Variants in CHID1 observed in about 807,000 individuals in gnomAD.
CHID1 encodes the protein chitinase domain containing 1.
In CHID1, 44 loss-of-function variants were observed where a neutral mutation model predicts 55.4. The observed-to-expected ratio is 0.79, with a 90% confidence interval of 0.62 to 1.02. The LOEUF (loss-of-function observed/expected upper bound fraction) is 1.02, where lower values mean the gene tolerates loss of function less well. Among genes scored for constraint, CHID1 ranks in the 50% least tolerant of loss-of-function variants. CHID1 has a pLI of 0.00. For synonymous variants in CHID1, 216 were observed against 212.9 expected (o/e 1.01, Z -0.13); for missense variants, 491 against 515.3 (o/e 0.95, Z 0.46).
intron 8 of CHID1, among the ~76,000 whole-genome samples, chr11:887,973 C>T (rs1038252115): frequency 6.6e-6 from 1 of 152,248 alleles, no homozygotes; most frequent in Non-Finnish European, 1.5e-5. Context: ...GAATGCTCCC[C>T]ATGCGTCCAC....
Position 903,061 on chromosome 11 carries a change from G to T in CHID1, c.162C>A (p.Asp54Glu). 6.2e-7 allele frequency: 1 copy of T among 1,613,574 alleles called. No individual in the cohort carries two copies. The highest frequency in any genetic ancestry group is 8.5e-7 in the Non-Finnish European group (1 of 1,179,986). The change falls in exon 3 of 13, where the codon GAC (aspartate) becomes GAA (glutamate). Residue 54 changes from aspartate to glutamate, a missense_variant. Coordinates refer to ENST00000323578, the MANE Select transcript of CHID1 (RefSeq NM_023947.4). Reference sequence around the variant, plus strand: ...CAAGAACCACACTCTCAGCTTTGAGGTCCGTCACCACCAAACCCCGGTCTT... The same window carrying T: ...CAAGAACCACACTCTCAGCTTTGAGTTCCGTCACCACCAAACCCCGGTCTT... The part of the protein sequence containing the change: ...PVQDRGLVVT[D>E]LKAESVVLEH...
At chr11:900,755 C>T (rs1851743336) in intron 5 of CHID1, among the ~76,000 whole-genome samples, 181 bp downstream of exon 5, 1 of 152,198 alleles carries the variant, frequency 6.6e-6, no homozygotes, top group African/African-American at 2.4e-5. Context: ...GCTCAGGACT[C>T]CAGCCAGACT....
chr11:879,360 C>A (rs552088826), intron 10 of CHID1, among the ~76,000 whole-genome samples: 1 of 152,312 alleles, frequency 6.6e-6, no homozygotes, highest in South Asian at 2.1e-4. Context: ...CAGGCCTGAG[C>A]CTGCACTGAG....
chr11:896,005 C>T (rs1354056371), intron 7 of CHID1, among the ~76,000 whole-genome samples: 1 of 152,044 alleles, frequency 6.6e-6, no homozygotes, highest in East Asian at 1.9e-4. Context: ...TCAGCAATCC[C>T]CCTACTGCCT....
intron 1 of CHID1, chr11:908,621 CCTT>C: frequency 3.0e-6 from 3 of 985,490 alleles, no homozygotes; most frequent in Non-Finnish European, 3.6e-6. Flanking sequence ...ACCACTGGCT[CCTT>C]CTCTGTCTTC....
At position 899,274 on chromosome 11, in the gene CHID1, C is replaced by T. The variant is rs536807632; in HGVS notation, c.608+66G>A. 37 of 1,493,316 alleles carry T rather than the reference C, an allele frequency of 2.5e-5. No homozygotes were observed. In the African/African-American group the frequency reaches 4.8e-4, roughly 20 times the overall value. 92.5% of individuals were successfully genotyped at this position (1,493,316 alleles called of 1,614,324 possible). A position where few individuals can be genotyped will look rare whatever the true frequency, so the allele number is the denominator to read the frequency against. ...GGCCCTCCCCAAACCCCTGGTCTTT[C>T]CTCCAGCCTCCTTCAAACACCAGGG... On this transcript the variant is annotated intron_variant, in intron 7 of 12. Transcript: ENST00000323578.
chr11:883,003 G>T lies in CHID1; in HGVS notation c.959+145C>A, dbSNP rs1466182535. The T allele has an allele frequency of 1.4e-5, 13 of 899,586 alleles. No homozygotes were observed. In the Admixed American group the frequency reaches 1.9e-4, roughly 13 times the overall value. The allele number at this position is 899,586 out of a possible 1,614,324, so 55.7% of individuals were successfully genotyped here. A position where few individuals can be genotyped will look rare whatever the true frequency, so the allele number is the denominator to read the frequency against. ...GGTGGGGTGGGCACCAAGCAGGACC[G>T]GCTCCTGGCCCAGCCCCTATCTCTG... On this transcript the variant is annotated intron_variant, in intron 10 of 12. Coordinates refer to ENST00000323578, the MANE Select transcript of CHID1 (RefSeq NM_023947.4).
At chr11:903,969 G>C (rs1236761502) in intron 2 of CHID1, among the ~76,000 whole-genome samples, 1 of 151,274 alleles carries the variant, frequency 6.6e-6, no homozygotes, top group Non-Finnish European at 1.5e-5. Context: ...GTCAACCACT[G>C]CCTGCCACCC....
intron 10 of CHID1, among the ~76,000 whole-genome samples, chr11:879,632 C>T (rs1299400787): frequency 6.6e-6 from 1 of 152,322 alleles, no homozygotes; most frequent in Non-Finnish European, 1.5e-5. Flanking sequence ...AGGACTGAGA[C>T]GAAGCTGTTA....
rs749233909 is a variant in CHID1 at position 869,921 on chromosome 11, C to G, written c.1119G>C (p.Leu373=). The part of the protein sequence containing the change: ...LQVRLELARE[L]GVGVSIWELG... Reference sequence around the variant, plus strand: ...GCTCCCAGATAGAGACCCCAACGCCCAGCTCCCGGGCCAGCTCCAGCCGCA... The same window carrying G: ...GCTCCCAGATAGAGACCCCAACGCCGAGCTCCCGGGCCAGCTCCAGCCGCA... Residue 373 remains leucine (L), a synonymous_variant, in exon 13 of 13, where the codon CTG becomes CTC. Transcript: ENST00000323578. 2 of 1,612,680 alleles carry G rather than the reference C, an allele frequency of 1.2e-6. No homozygotes were observed. The highest frequency in any genetic ancestry group is 1.7e-6 in the Non-Finnish European group (2 of 1,179,896).
intron 10 of CHID1, among the ~76,000 whole-genome samples, chr11:878,388 T>G (rs907976319): frequency 6.6e-6 from 1 of 151,784 alleles, no homozygotes; most frequent in Non-Finnish European, 1.5e-5. Flanking sequence ...CACTCCAGCC[T>G]GGGGACTCCG....
In CHID1 at chr11:899,335, C is replaced by T; in HGVS notation, c.608+5G>A. 1.3e-6 allele frequency: 2 copies of T among 1,598,166 alleles called. No individual in the cohort carries two copies. Among genetic ancestry groups the T allele is most frequent in the Non-Finnish European group, 8.5e-7 (1 of 1,172,236 alleles). On this transcript the variant is annotated splice_donor_5th_base_variant and intron_variant, in intron 7 of 12. Coordinates refer to ENST00000323578, the MANE Select transcript of CHID1 (RefSeq NM_023947.4). ...GGCCACCCACCACCACCTGTGCCCA[C>T]TCACACGCGCTTCTGGCTTAGCAGC...
In CHID1 at chr11:878,562, TA is replaced by T. The variant is rs879596682; in HGVS notation, c.959+4585del. Among the ~76,000 whole-genome samples the T allele has an allele frequency of 3.8e-3, 543 of 142,120 alleles. 3 individuals are homozygous for T. The highest frequency in any genetic ancestry group is 9.4e-3 in the African/African-American group (367 of 38,908). The allele number at this position is 142,120 out of a possible 152,430, so 93.2% of individuals were successfully genotyped here. On this transcript the variant is annotated intron_variant, in intron 10 of 12. Transcript: ENST00000323578. ...TGGGCAACAAGAGTGAAATTCTGTCTAAAAAAAAAAAAAATTCCTTTTCTTT... is the reference window on the plus strand; with the variant it reads ...TGGGCAACAAGAGTGAAATTCTGTCTAAAAAAAAAAAAATTCCTTTTCTTT...
Position 892,458 on chromosome 11 carries a change from C to T in CHID1, c.701+969G>A, listed in dbSNP as rs570122114. ...TGGGTACGTGTGCAAGAAGCTCAGG[C>T]CATGCACGAAGCAGCCCCCAGGGCT... On this transcript the variant is annotated intron_variant, in intron 8 of 12. Coordinates refer to ENST00000323578, the MANE Select transcript of CHID1 (RefSeq NM_023947.4). Among the ~76,000 whole-genome samples the T allele has an allele frequency of 4.6e-5, 7 of 152,356 alleles. No individual in the cohort carries two copies. The East Asian group carries it at 1.2e-3, about 25-fold the overall frequency.
intron 10 of CHID1, among the ~76,000 whole-genome samples, chr11:874,044 G>A (rs1462277120): frequency 6.6e-6 from 1 of 152,294 alleles, no homozygotes; most frequent in South Asian, 2.1e-4. Context: ...TGTGTGGGGG[G>A]CGTCACCCCA....
chr11:884,971 C>T (rs927575960), intron 8 of CHID1, among the ~76,000 whole-genome samples: 1 of 152,234 alleles, frequency 6.6e-6, no homozygotes, highest in Non-Finnish European at 1.5e-5. Flanking sequence ...TGGCCTACGG[C>T]CCCTCCACAC....
At chr11:904,629 C>G in intron 2 of CHID1, 77 bp downstream of exon 2, 1 of 1,560,066 alleles carries the variant, frequency 6.4e-7, no homozygotes, top group Non-Finnish European at 8.8e-7. Flanking sequence ...CTCACAGGCC[C>G]CAGTGGACAG....
intron 10 of CHID1, among the ~76,000 whole-genome samples, chr11:873,967 G>A (rs112906708): frequency 4.0e-5 from 6 of 151,714 alleles, no homozygotes; most frequent in East Asian, 3.9e-4. Flanking sequence ...ACAGAGGTTC[G>A]ACGCGTTTCT....
At chr11:884,723 A>C (rs1164045992) in intron 8 of CHID1, among the ~76,000 whole-genome samples, 1 of 152,232 alleles carries the variant, frequency 6.6e-6, no homozygotes. Context: ...GGGATGGAGC[A>C]AGGCTGTGTG....
Sources: gnomAD v4.1 joint callset for allele counts (sites outside exome capture counted in the v4.1 genomes callset) on GRCh38, gnomAD v4.1.1 for gene constraint, MANE v1.5 for transcripts, NCBI Gene and HGNC (gene_info 2026-07-23, HGNC 2026-07-21) for gene names.